TSPAN5: variants seen among roughly 807,000 people sequenced by gnomAD.
The protein encoded by TSPAN5 is tetraspanin 5.
A neutral mutation model predicts 37.1 loss-of-function variants in TSPAN5; 10 were observed. The observed-to-expected ratio is 0.27, with a 90% CI of 0.17 to 0.46. The LOEUF (loss-of-function observed/expected upper bound fraction) is 0.46. TSPAN5 is among the 20% of genes least tolerant of loss of function. The pLI, the probability that TSPAN5 is intolerant of heterozygous loss-of-function variation, is 1.00. For synonymous variants in TSPAN5, 110 were observed against 118.9 expected (o/e 0.93, Z 0.48); for missense variants, 195 against 326.6 (o/e 0.60, Z 3.11).
In TSPAN5 at chr4:98,658,607, C is replaced by T. The variant is rs1318984957; in HGVS notation, c.-381G>A. The T allele has an allele frequency of 6.5e-6, 1 of 152,894 alleles. No individual in the cohort carries two copies. Among genetic ancestry groups the T allele is most frequent in the African/African-American group, 2.4e-5 (1 of 41,422 alleles). The allele number at this position is 152,894 out of a possible 1,614,324, so 9.5% of individuals were successfully genotyped here. On this transcript the variant is annotated 5_prime_UTR_variant, in exon 1 of 8. Coordinates refer to ENST00000305798, the MANE Select transcript of TSPAN5 (RefSeq NM_005723.4). ...GGCAGATGCTGGTGGAGACGCCGCTCGCTTGCTCGCCCGCCCGTTCGCGCG... is the reference window on the plus strand; with the variant it reads ...GGCAGATGCTGGTGGAGACGCCGCTTGCTTGCTCGCCCGCCCGTTCGCGCG...
chr4:98,505,114 C>T (rs796774513), intron 2 of TSPAN5, among the ~76,000 whole-genome samples: 3 of 152,044 alleles, frequency 2.0e-5, no homozygotes, highest in Admixed American at 1.3e-4. Flanking sequence ...AATATCATTA[C>T]ATTGGGGATG....
intron 1 of TSPAN5, among the ~76,000 whole-genome samples, chr4:98,603,068 T>C (rs960468499): frequency 1.3e-5 from 2 of 152,210 alleles, no homozygotes; most frequent in African/African-American, 2.4e-5. Flanking sequence ...TATGCCTGCT[T>C]TTCACAGCTT....
Position 98,471,287 on chromosome 4 carries a change from G to T in TSPAN5, c.*1235C>A, listed in dbSNP as rs933915453. 10 of 152,262 alleles carry T rather than the reference G, an allele frequency of 6.6e-5. No homozygotes were observed. The South Asian group carries it at 1.0e-3, about 16-fold the overall frequency. The allele number at this position is 152,262 out of a possible 1,614,324, so 9.4% of individuals were successfully genotyped here. A position where few individuals can be genotyped will look rare whatever the true frequency, so the allele number is the denominator to read the frequency against. ...AGAAGCTTTTGACTGGGTCAATGTT[G>T]TTTCCAAATTGGGTTTAATTCCATT... On this transcript the variant is annotated 3_prime_UTR_variant, in exon 8 of 8. Coordinates refer to ENST00000305798, the MANE Select transcript of TSPAN5 (RefSeq NM_005723.4).
chr4:98,564,337 T>C (rs1432844297), intron 1 of TSPAN5, among the ~76,000 whole-genome samples: 3 of 152,226 alleles, frequency 2.0e-5, no homozygotes, highest in African/African-American at 7.2e-5. Flanking sequence ...AATCCATTAT[T>C]TTCTAAGAAT....
In TSPAN5 at chr4:98,649,135, T is replaced by TG. The variant is rs1329879566; in HGVS notation, c.81+9010_81+9011insC. On this transcript the variant is annotated intron_variant, in intron 1 of 7. Coordinates refer to ENST00000305798, the MANE Select transcript of TSPAN5 (RefSeq NM_005723.4). ...ATTCAAAGACATCTAAAGGCTAGAA[T>TG]ACTGGTTCTTTTCTTTCTTAAGTGG... Among the ~76,000 whole-genome samples the TG allele has an allele frequency of 2.0e-5, 3 of 152,190 alleles. No homozygotes were observed. In the East Asian group the frequency reaches 5.8e-4, roughly 29 times the overall value.
chr4:98,498,016 G>T, intron 2 of TSPAN5, among the ~76,000 whole-genome samples: 1 of 152,228 alleles, frequency 6.6e-6, no homozygotes, highest in East Asian at 1.9e-4. Context: ...GCCCGCTCAG[G>T]TGGCAGTCAC....
rs191757424 is a variant in TSPAN5 at position 98,505,492 on chromosome 4, C to G, written c.132+2186G>C. Among the ~76,000 whole-genome samples, 665 of 152,290 alleles carry G rather than the reference C, an allele frequency of 4.4e-3. 5 individuals carry two copies. Among genetic ancestry groups the G allele is most frequent in the Middle Eastern group, 0.014 (4 of 294 alleles). On this transcript the variant is annotated intron_variant, in intron 2 of 7. Transcript: ENST00000305798. The stretch of plus-strand genomic sequence containing the variant: ...GTTCTTCCCCCATACCCTGCAGATC[C>G]TTCTTCCTTCATCCAGGTCTCTGCT...
intron 1 of TSPAN5, among the ~76,000 whole-genome samples, chr4:98,657,317 C>T (rs1180020597): frequency 2.6e-5 from 4 of 152,178 alleles, no homozygotes; most frequent in African/African-American, 9.7e-5. Flanking sequence ...AAAGCATTTG[C>T]TCTCTCGGTT....
At chr4:98,588,253 C>A (rs1385186517) in intron 1 of TSPAN5, among the ~76,000 whole-genome samples, 1 of 152,096 alleles carries the variant, frequency 6.6e-6, no homozygotes, top group Non-Finnish European at 1.5e-5. Context: ...CACTGAGAAG[C>A]CTTTTAAATG....
intron 2 of TSPAN5, among the ~76,000 whole-genome samples, chr4:98,492,894 C>T (rs952296452): frequency 1.1e-4 from 17 of 152,118 alleles, no homozygotes; most frequent in African/African-American, 3.9e-4. Context: ...AGTTTAAATA[C>T]CAACTTTTAA....
At position 98,657,234 on chromosome 4, in the gene TSPAN5, G is replaced by A. The variant is rs528956236; in HGVS notation, c.81+912C>T. 2.1e-3 allele frequency among the ~76,000 whole-genome samples: 317 copies of A among 152,228 alleles called. 2 individuals carry two copies. Among genetic ancestry groups the A allele is most frequent in the African/African-American group, 7.1e-3 (296 of 41,530 alleles). ...ACAAACAAACAAACAAAAAGAGTAG[G>A]CGTCCCAGCCTAATTACAATAGGTT... On this transcript the variant is annotated intron_variant, in intron 1 of 7. Transcript: ENST00000305798.
intron 2 of TSPAN5, among the ~76,000 whole-genome samples, chr4:98,487,507 C>G (rs186078505): frequency 6.6e-6 from 1 of 152,078 alleles, no homozygotes; most frequent in African/African-American, 2.4e-5. Context: ...GAAATAGGAT[C>G]GAGCTAGAAG....
chr4:98,507,451 G>A (rs949352556), intron 2 of TSPAN5, among the ~76,000 whole-genome samples: 1 of 152,166 alleles, frequency 6.6e-6, no homozygotes, highest in Non-Finnish European at 1.5e-5. Flanking sequence ...ATTCTCTGTT[G>A]AGCACGTGTA....
intron 1 of TSPAN5, among the ~76,000 whole-genome samples, chr4:98,601,036 G>A (rs1157973007): frequency 6.6e-6 from 1 of 152,108 alleles, no homozygotes; most frequent in Non-Finnish European, 1.5e-5. Context: ...TTATCACACT[G>A]GAACAGTAAT....
At chr4:98,508,384 A>G (rs1316098714) in intron 1 of TSPAN5, among the ~76,000 whole-genome samples, 1 of 152,152 alleles carries the variant, frequency 6.6e-6, no homozygotes, top group African/African-American at 2.4e-5. Context: ...TGAGTTACGC[A>G]TTCAGCCCTA....
chr4:98,489,597 C>CGTCGTTG (rs1186785126), intron 2 of TSPAN5, among the ~76,000 whole-genome samples: 6 of 152,148 alleles, frequency 3.9e-5, no homozygotes, highest in African/African-American at 1.2e-4. Flanking sequence ...TGCTGATTGC[C>CGTCGTTG]GTCGTTGTAG....
intron 1 of TSPAN5, among the ~76,000 whole-genome samples, chr4:98,645,405 A>G (rs1242854972): frequency 6.6e-6 from 1 of 152,220 alleles, no homozygotes; most frequent in Non-Finnish European, 1.5e-5. Flanking sequence ...CAGATGGACT[A>G]TATCTTTGAG....
chr4:98,609,635 T>C (rs1052411568), intron 1 of TSPAN5, among the ~76,000 whole-genome samples: 16 of 152,164 alleles, frequency 1.1e-4, no homozygotes, highest in African/African-American at 3.9e-4. Context: ...CTGAGCAAGC[T>C]TTCCTTTGCA....
chr4:98,536,613 C>T lies in TSPAN5; in HGVS notation c.82-28885G>A, dbSNP rs374244622. 1.5e-4 allele frequency among the ~76,000 whole-genome samples: 23 copies of T among 152,314 alleles called. 1 individual carries two copies. Among genetic ancestry groups the T allele is most frequent in the African/African-American group, 4.6e-4 (19 of 41,578 alleles). ...CTGCGCCCATAGCCACCCCTTTCCC[C>T]GGGTGCTCTGTCCCAGGGAGATGGA... On this transcript the variant is annotated intron_variant, in intron 1 of 7. Transcript: ENST00000305798.
Sources: gnomAD v4.1 joint callset for allele counts (sites outside exome capture counted in the v4.1 genomes callset) on GRCh38, gnomAD v4.1.1 for gene constraint, MANE v1.5 for transcripts, NCBI Gene and HGNC (gene_info 2026-07-23, HGNC 2026-07-21) for gene names.